CALML6: variants seen among roughly 807,000 people sequenced by gnomAD.
CALML6 encodes calmodulin-like protein 6.
CALML6 carries 27 observed loss-of-function variants against 25.0 expected under a neutral mutation model. That is an observed-to-expected ratio of 1.08 (90% CI 0.80 to 1.49). The LOEUF is 1.49. Ranked by LOEUF, CALML6 falls within the 40% of genes most tolerant of loss-of-function variation. CALML6 has a pLI of 0.00. For synonymous variants in CALML6, 97 were observed against 87.2 expected (o/e 1.11, Z -0.63); for missense variants, 239 against 232.7 (o/e 1.03, Z -0.18).
chr1:1,915,924 A>G (rs1651091995), intron 2 of CALML6, 189 bp downstream of exon 2: 1 of 624,478 alleles, frequency 1.6e-6, no homozygotes, highest in Non-Finnish European at 2.9e-6. Flanking sequence ...CCCTTTCTGA[A>G]AGCTGGCTCC....
At chr1:1,916,164 C>T in intron 2 of CALML6, 1 of 438,188 alleles carries the variant, frequency 2.3e-6, no homozygotes, top group Non-Finnish European at 4.1e-6. Context: ...GCCTGGCCCG[C>T]CTGGCCCTGC....
At chr1:1,915,375 T>C in intron 1 of CALML6, 68 bp downstream of exon 1, 1 of 1,546,642 alleles carries the variant, frequency 6.5e-7, no homozygotes, top group Non-Finnish European at 8.7e-7. Flanking sequence ...TCTGGGAAGG[T>C]AGACTTGGAG....
intron 1 of CALML6, 58 bp from the exon 2 acceptor site, chr1:1,915,627 G>A: frequency 6.3e-7 from 1 of 1,587,962 alleles, no homozygotes; most frequent in Middle Eastern, 1.7e-4. Context: ...GGGGACCCCA[G>A]GCAGCCAGGC....
At chr1:1,916,359 G>T in intron 2 of CALML6, 82 bp from the exon 3 acceptor site, 3 of 1,295,810 alleles carry the variant, frequency 2.3e-6, no homozygotes, top group Non-Finnish European at 3.1e-6. Context: ...GGAGGAATGG[G>T]TGCAGGGGGT....
rs749236965 is a variant in CALML6, at chr1:1,917,101, G to A, written c.499+27G>A. 9.9e-6 allele frequency: 16 copies of A among 1,609,000 alleles called. No homozygotes were observed. In the South Asian group the frequency reaches 1.0e-4, roughly 10 times the overall value. Reference sequence around the variant, plus strand: ...TGAGTGGCCTGGAGCCCTGGGAGCCGTTGGCTGGGCCGGGGCAAGCTGCTG... The same window carrying A: ...TGAGTGGCCTGGAGCCCTGGGAGCCATTGGCTGGGCCGGGGCAAGCTGCTG... On this transcript the variant is annotated intron_variant, in intron 5 of 5. Transcript: ENST00000307786.
At chr1:1,916,710 T>TGCTGTGCCCCATCCCTTGAGCCCCA (rs568745793) in intron 3 of CALML6, 42 bp from the exon 4 acceptor site, 1 of 1,611,940 alleles carries the variant, frequency 6.2e-7, no homozygotes, top group South Asian at 1.1e-5. Context: ...CCATGGGGAG[T>TGCTGTGCCCCATCCCTTGAGCCCCA]GCTGTGCCCC....
At position 1,916,752 on chromosome 1, in the gene CALML6, A is replaced by G; in HGVS notation, c.254A>G (p.Asn85Ser). The G allele has an allele frequency of 6.2e-7, 1 of 1,613,486 alleles. No individual in the cohort carries two copies. The highest frequency in any genetic ancestry group is 8.5e-7 in the Non-Finnish European group (1 of 1,180,016). Residue 85 changes from asparagine to serine, a missense_variant and splice_region_variant, in exon 4 of 6, where the codon AAC becomes AGC. Asn to Ser is a conservative substitution (Grantham distance 46). Around this residue, in one of 2 missense-constraint regions of CALML6, gnomAD observed 231 missense variants for 210.9 expected, o/e 1.10. Transcript: ENST00000307786. ...ASMAKDVDRD[N>S]KGFFNCDGFL... ...TGAGCCCCAGCTGTGCCCCTTGCAG[A>G]CAAAGGGTTCTTCAACTGCGATGGT...
chr1:1,915,616 C>T (rs1013036495), intron 1 of CALML6, 69 bp from the exon 2 acceptor site: 40 of 1,548,926 alleles, frequency 2.6e-5, no homozygotes, highest in Middle Eastern at 3.4e-4. Context: ...ATCTGGACCC[C>T]GGGGACCCCA....
intron 3 of CALML6, 33 bp from the exon 4 acceptor site, chr1:1,916,719 C>G (rs1048142154): frequency 1.2e-6 from 2 of 1,612,554 alleles, no homozygotes; most frequent in African/African-American, 1.3e-5. Context: ...GTGCTGTGCC[C>G]CATCCCTTGA....
At chr1:1,916,350 G>T in intron 2 of CALML6, 91 bp from the exon 3 acceptor site, 1 of 1,207,276 alleles carries the variant, frequency 8.3e-7, no homozygotes. Context: ...GCTGCCAATG[G>T]AGGAATGGGT....
chr1:1,916,032 G>C (rs1440464865), intron 2 of CALML6: 15 of 508,276 alleles, frequency 3.0e-5, no homozygotes, highest in Non-Finnish European at 3.6e-5. Context: ...TCTGCTTCCT[G>C]GGCTGTATCC....
Position 1,916,425 on chromosome 1 carries a change from C to T in CALML6, c.79-16C>T, listed in dbSNP as rs368840725. The T allele has an allele frequency of 8.6e-5, 130 of 1,505,508 alleles. No homozygotes were observed. In the African/African-American group the frequency reaches 1.2e-3, roughly 14 times the overall value. 93.3% of individuals were successfully genotyped at this position (1,505,508 alleles called of 1,614,324 possible). ...GAAGGGGCTCCTGGTCAGGCCGGTGCGGGTGTCCCCTGCAGACAGAGCGCC... is the reference window on the plus strand; with the variant it reads ...GAAGGGGCTCCTGGTCAGGCCGGTGTGGGTGTCCCCTGCAGACAGAGCGCC... On this transcript the variant is annotated splice_polypyrimidine_tract_variant and intron_variant, in intron 2 of 5. Coordinates refer to ENST00000307786, the MANE Select transcript of CALML6 (RefSeq NM_138705.4).
intron 1 of CALML6, 179 bp from the exon 2 acceptor site, chr1:1,915,506 C>T: frequency 1.5e-6 from 2 of 1,293,426 alleles, no homozygotes; most frequent in Non-Finnish European, 2.1e-6. Context: ...TCAGGGGAAG[C>T]CCAGGCCAAA....
rs202027325 is a variant in CALML6 at position 1,917,211 on chromosome 1, G to C, written c.*18G>C. ...TCCAGTAGGTGCAGCTGCCGCAGCC[G>C]GGGGAGGCCTGCCCGGGAAGGCTGC... On this transcript the variant is annotated 3_prime_UTR_variant, in exon 6 of 6. Coordinates refer to ENST00000307786, the MANE Select transcript of CALML6 (RefSeq NM_138705.4). 4 of 1,584,254 alleles carry C rather than the reference G, an allele frequency of 2.5e-6. No homozygotes were observed. Among genetic ancestry groups the C allele is most frequent in the South Asian group, 1.1e-5 (1 of 87,198 alleles).
At chr1:1,916,132 A>G (rs1458247530) in intron 2 of CALML6, 4 of 417,886 alleles carry the variant, frequency 9.6e-6, no homozygotes, top group Middle Eastern at 6.3e-4. Context: ...CCTGGTGTCC[A>G]TTGCCAGGCT....
At chr1:1,916,685 G>A in intron 3 of CALML6, 67 bp from the exon 4 acceptor site, 1 of 1,609,218 alleles carries the variant, frequency 6.2e-7, no homozygotes, top group Admixed American at 1.7e-5. Context: ...TGCCTACGGG[G>A]GGAAGAGGCA....
chr1:1,916,926 G>A, intron 4 of CALML6, 30 bp downstream of exon 4: 2 of 1,592,888 alleles, frequency 1.3e-6, no homozygotes, highest in Non-Finnish European at 1.7e-6. Flanking sequence ...CGGGTGGTGG[G>A]CGGGCACGGG....
At chr1:1,916,035 CTG>C (rs558922391) in intron 2 of CALML6, 75 of 500,510 alleles carry the variant, frequency 1.5e-4, no homozygotes, top group Non-Finnish European at 2.0e-4. Flanking sequence ...GCTTCCTGGG[CTG>C]TATCCCAATC....
At position 1,916,756 on chromosome 1, in the gene CALML6, AG is replaced by A. The variant is rs776875261; in HGVS notation, c.261del (p.Phe88SerfsTer10). The A allele has an allele frequency of 6.2e-6, 10 of 1,613,386 alleles. No homozygotes were observed. Among genetic ancestry groups the A allele is most frequent in the Non-Finnish European group, 5.1e-6 (6 of 1,180,026 alleles). ...MAKDVDRDNK[G>X]FFNCDGFLAL... Reference sequence around the variant, plus strand: ...CCCCAGCTGTGCCCCTTGCAGACAAAGGGTTCTTCAACTGCGATGGTTTCCT... The same window carrying A: ...CCCCAGCTGTGCCCCTTGCAGACAAAGGTTCTTCAACTGCGATGGTTTCCT... On this transcript the variant is annotated frameshift_variant, in exon 4 of 6. Coordinates refer to ENST00000307786, the MANE Select transcript of CALML6 (RefSeq NM_138705.4). LOFTEE classifies it high-confidence loss of function.
Sources: gnomAD v4.1 joint callset for allele counts on GRCh38, gnomAD v4.1.1 for gene constraint, gnomAD v4.1.1 regional missense constraint, MANE v1.5 for transcripts, NCBI Gene and HGNC (gene_info 2026-07-23, HGNC 2026-07-21) for gene names.